TRIM2: variants seen among roughly 807,000 people sequenced by gnomAD.
TRIM2 encodes the protein tripartite motif containing 2.
Under a neutral mutation model 75.2 loss-of-function variants are expected in TRIM2, and 20 were observed. The ratio of observed to expected loss-of-function variants is 0.27; its 90% CI spans 0.19 to 0.39. TRIM2 has a LOEUF of 0.39. Among genes scored for constraint, TRIM2 ranks in the 10% least tolerant of loss-of-function variants. TRIM2 has a pLI of 1.00. For synonymous variants in TRIM2, 373 were observed against 388.3 expected (o/e 0.96, Z 0.46); for missense variants, 660 against 990.8 (o/e 0.67, Z 4.48).
At chr4:153,202,708 A>G (rs1734513513), upstream of TRIM2, among the ~76,000 whole-genome samples, 1 of 151,096 alleles carries the variant, frequency 6.6e-6, no homozygotes, top group Admixed American at 6.6e-5. Context: ...CAAAAAAAAA[A>G]AAAAAAAGAA....
At chr4:153,273,270 C>CATTTTTTT (rs1757187818) in intron 2 of TRIM2, among the ~76,000 whole-genome samples, 5 of 57,390 alleles carry the variant, frequency 8.7e-5, no homozygotes, top group African/African-American at 2.8e-4. Flanking sequence ...TACAGTCACT[C>CATTTTTTT]TTTTTTTTTT....
chr4:153,303,417 G>A (rs926223379), intron 6 of TRIM2, among the ~76,000 whole-genome samples: 36 of 151,180 alleles, frequency 2.4e-4, no homozygotes, highest in African/African-American at 8.8e-4. Context: ...AGATTGCAGT[G>A]AGCCAAGATC....
intron 3 of TRIM2, among the ~76,000 whole-genome samples, chr4:153,288,675 C>A (rs779468242): frequency 2.6e-5 from 4 of 151,964 alleles, no homozygotes; most frequent in African/African-American, 4.8e-5. Context: ...AATATCGGTT[C>A]TTTCCCTTTC....
chr4:153,314,228 G>A (rs965737271), intron 6 of TRIM2, among the ~76,000 whole-genome samples: 11 of 144,518 alleles, frequency 7.6e-5, no homozygotes, highest in Non-Finnish European at 5.9e-5. Context: ...AGACCATCCC[G>A]GCTAAAACGG....
At chr4:153,247,823 A>C (rs754165919) in intron 1 of TRIM2, among the ~76,000 whole-genome samples, 2 of 152,186 alleles carry the variant, frequency 1.3e-5, no homozygotes, top group African/African-American at 2.4e-5. Context: ...TCATATGCCC[A>C]AAAAAACCCC....
At chr4:153,272,295 C>T (rs1476937214) in intron 2 of TRIM2, among the ~76,000 whole-genome samples, 1 of 151,932 alleles carries the variant, frequency 6.6e-6, no homozygotes, top group African/African-American at 2.4e-5. Flanking sequence ...ACTACAGGTG[C>T]CTGCCACCAC....
chr4:153,218,211 T>C (rs1417519336), intron 1 of TRIM2, among the ~76,000 whole-genome samples: 1 of 152,182 alleles, frequency 6.6e-6, no homozygotes, highest in Non-Finnish European at 1.5e-5. Context: ...AGGCAGTGGA[T>C]CTGTAAATGA....
chr4:153,208,034 C>T (rs1047372084), intron 1 of TRIM2, among the ~76,000 whole-genome samples: 1 of 152,100 alleles, frequency 6.6e-6, no homozygotes, highest in African/African-American at 2.4e-5. Context: ...CAGTGGTGAA[C>T]CCTGTAATGC....
intron 1 of TRIM2, among the ~76,000 whole-genome samples, chr4:153,227,822 A>G (rs546939657): frequency 1.3e-5 from 2 of 152,178 alleles, no homozygotes; most frequent in African/African-American, 2.4e-5. Context: ...TTGTAGTTCA[A>G]GATTATAATA....
At chr4:153,196,273 A>G (rs115497630) in intron 1 of TRIM2, among the ~76,000 whole-genome samples, 25 of 129,950 alleles carry the variant, frequency 1.9e-4, no homozygotes, top group Admixed American at 5.9e-4. Flanking sequence ...ACCCCCCCCC[A>G]CACACACACA....
At chr4:153,205,037 C>A (rs1459897681) in intron 1 of TRIM2, among the ~76,000 whole-genome samples, 1 of 152,154 alleles carries the variant, frequency 6.6e-6, no homozygotes, top group Non-Finnish European at 1.5e-5. Flanking sequence ...ATAAATAGGT[C>A]TATTCAGAAA....
intron 1 of TRIM2, among the ~76,000 whole-genome samples, chr4:153,265,339 T>G (rs6832534): frequency 0.37 from 40,628 of 110,426 alleles, 5,651 homozygotes; most frequent in South Asian, 0.41. Flanking sequence ...GTTTTTTGTG[T>G]TTTTTTTTGT....
intron 1 of TRIM2, among the ~76,000 whole-genome samples, chr4:153,155,863 A>G (rs886579146): frequency 4.1e-4 from 62 of 152,224 alleles, no homozygotes; most frequent in African/African-American, 1.4e-3. Context: ...TCCATGCCTA[A>G]GAGGACAAAG....
chr4:153,221,828 GA>G (rs1381977772), intron 1 of TRIM2, among the ~76,000 whole-genome samples: 19 of 68,528 alleles, frequency 2.8e-4, no homozygotes, highest in Admixed American at 3.1e-4. Context: ...GGGAGGAAAT[GA>G]AGGAAGGAAG....
Position 153,317,018 on chromosome 4 carries a change from C to T in TRIM2, c.1782+1019C>T, listed in dbSNP as rs980443439. 2.1e-4 allele frequency among the ~76,000 whole-genome samples: 32 copies of T among 150,722 alleles called. 1 individual carries two copies. Among genetic ancestry groups the T allele is most frequent in the African/African-American group, 7.6e-4 (31 of 40,968 alleles). On this transcript the variant is annotated intron_variant, in intron 8 of 11. Coordinates refer to ENST00000338700, the MANE Select transcript of TRIM2 (RefSeq NM_015271.5). Reference sequence around the variant, plus strand: ...GCCTCAGCCTCCTGAGTAGCTGGGACTACAGGTGCCCGCCACCACGCCCGG... The same window carrying T: ...GCCTCAGCCTCCTGAGTAGCTGGGATTACAGGTGCCCGCCACCACGCCCGG...
rs1376886785 is a variant in TRIM2 at position 153,295,591 on chromosome 4, A to G, written c.1065A>G (p.Thr355=). Residue 355 remains threonine (T), a synonymous_variant, in exon 6 of 12, where the codon ACA becomes ACG. Coordinates refer to ENST00000338700, the MANE Select transcript of TRIM2 (RefSeq NM_015271.5). The surrounding 1 kb of genome is among the most constrained non-coding windows in gnomAD (Gnocchi z 7.2). ...ILTTNAVASE[T]VATGEGLRQT... ...CCACCAACGCCGTTGCCTCAGAGACAGTGGCCACGGGCGAGGGGCTGCGGC... is the reference window on the plus strand; with the variant it reads ...CCACCAACGCCGTTGCCTCAGAGACGGTGGCCACGGGCGAGGGGCTGCGGC... 1.5e-5 allele frequency: 24 copies of G among 1,613,536 alleles called. No individual in the cohort carries two copies. Among genetic ancestry groups the G allele is most frequent in the Non-Finnish European group, 1.9e-5 (23 of 1,179,636 alleles).
rs868290229 is a variant in TRIM2, at chr4:153,275,962, C to T, written c.285C>T (p.Ile95=). ...LSCPVCRQTS[I]LPEKGVAALQ... The stretch of plus-strand genomic sequence containing the variant: ...GCCCAGTGTGCCGCCAGACCTCCAT[C>T]CTGCCCGAGAAAGGGGTGGCCGCGC... Residue 95 remains isoleucine, a synonymous_variant, in exon 3 of 12, where the codon ATC becomes ATT. Transcript: ENST00000338700. 2 of 1,614,250 alleles carry T rather than the reference C, an allele frequency of 1.2e-6. No homozygotes were observed. The highest frequency in any genetic ancestry group is 2.2e-5 in the East Asian group (1 of 44,888).
intron 1 of TRIM2, among the ~76,000 whole-genome samples, chr4:153,260,141 C>T (rs1289195390): frequency 2.0e-5 from 3 of 152,040 alleles, no homozygotes; most frequent in Non-Finnish European, 4.4e-5. Context: ...TTCTCTTTTC[C>T]CTTCTTGCTA....
chr4:153,253,971 T>A (rs375652548), intron 1 of TRIM2, among the ~76,000 whole-genome samples: 2 of 152,318 alleles, frequency 1.3e-5, no homozygotes, highest in East Asian at 1.9e-4. Flanking sequence ...GCTTTTACTT[T>A]GCACTGTGGA....
Sources: allele counts gnomAD v4.1 joint callset (sites outside exome capture counted in the v4.1 genomes callset), GRCh38; gene constraint gnomAD v4.1.1; non-coding constraint Gnocchi (gnomAD v3.1); transcripts MANE v1.5; gene names NCBI Gene and HGNC (gene_info 2026-07-23, HGNC 2026-07-21).